Variants in NPLOC4 observed in about 807,000 individuals in gnomAD.
NPLOC4 encodes NPL4 homolog, ubiquitin recognition factor, also known as nuclear protein localization protein 4 homolog.
NPLOC4 carries 18 observed loss-of-function variants against 80.6 expected under a neutral mutation model. That is an observed-to-expected ratio of 0.22 (90% CI 0.15 to 0.33). The LOEUF (loss-of-function observed/expected upper bound fraction) is 0.33, where lower values mean the gene tolerates loss of function less well. Ranked by LOEUF, NPLOC4 falls within the 10% of genes least tolerant of loss-of-function variation. NPLOC4 has a pLI of 1.00. For synonymous variants in NPLOC4, 313 were observed against 301.5 expected, an observed-to-expected ratio of 1.04 and a Z score of -0.39; for missense variants, 540 against 786.1, an observed-to-expected ratio of 0.69 and a Z score of 3.74.
chr17:81,611,333 A>G (rs1472930572), intron 4 of NPLOC4, among the ~76,000 whole-genome samples: 1 of 151,792 alleles, frequency 6.6e-6, no homozygotes, highest in Non-Finnish European at 1.5e-5. Flanking sequence ...TAAATAAATA[A>G]ATAAAATAGT....
At chr17:81,591,527 A>C (rs900853540) in intron 11 of NPLOC4, among the ~76,000 whole-genome samples, 10 of 152,104 alleles carry the variant, frequency 6.6e-5, no homozygotes, top group African/African-American at 2.4e-4. Context: ...AAGAAAGAAA[A>C]ATCTAGCAGT....
intron 11 of NPLOC4, among the ~76,000 whole-genome samples, chr17:81,591,447 G>GGAAA (rs537533625): frequency 1.3e-5 from 1 of 76,326 alleles, no homozygotes; most frequent in Non-Finnish European, 2.4e-5. Context: ...GAGTAAAACA[G>GGAAA]AAAAAAAAAA....
At chr17:81,619,709 T>A (rs1001306742) in intron 3 of NPLOC4, among the ~76,000 whole-genome samples, 2 of 150,980 alleles carry the variant, frequency 1.3e-5, no homozygotes, top group Non-Finnish European at 2.9e-5. Context: ...TGAAACCCTG[T>A]CTCTACTAAA....
intron 2 of NPLOC4, among the ~76,000 whole-genome samples, chr17:81,623,068 C>T (rs924421818): frequency 6.6e-6 from 1 of 151,856 alleles, no homozygotes; most frequent in African/African-American, 2.4e-5. Context: ...GTGGCACATG[C>T]CTGTAATCCC....
chr17:81,587,620 CCTGT>C (rs2034616753), intron 12 of NPLOC4, among the ~76,000 whole-genome samples: 1 of 118,046 alleles, frequency 8.5e-6, no homozygotes, highest in African/African-American at 3.5e-5. Context: ...CAGCTGACAC[CCTGT>C]CTCTTTAAAA....
At chr17:81,560,297 C>T (rs1411176912) in intron 16 of NPLOC4, among the ~76,000 whole-genome samples, 5 of 152,014 alleles carry the variant, frequency 3.3e-5, no homozygotes, top group South Asian at 2.1e-4. Context: ...CCTGCCGTTC[C>T]GGCTACTCAG....
chr17:81,609,523 G>A (rs1013625735), intron 5 of NPLOC4, among the ~76,000 whole-genome samples: 1 of 152,148 alleles, frequency 6.6e-6, no homozygotes, highest in Admixed American at 6.5e-5. Flanking sequence ...GAGTTGCCCA[G>A]GCTGAACAAT....
intron 1 of NPLOC4, among the ~76,000 whole-genome samples, chr17:81,632,873 A>T (rs1250768685): frequency 1.3e-5 from 2 of 152,168 alleles, no homozygotes; most frequent in East Asian, 3.8e-4. Flanking sequence ...CATAACTTTC[A>T]CTTGGCAGAA....
intron 11 of NPLOC4, among the ~76,000 whole-genome samples, chr17:81,590,980 A>C (rs1041489320): frequency 6.6e-6 from 1 of 152,178 alleles, no homozygotes; most frequent in Non-Finnish European, 1.5e-5. Flanking sequence ...CCCTGCACAA[A>C]TGACCACTAA....
intron 2 of NPLOC4, among the ~76,000 whole-genome samples, chr17:81,626,590 G>A (rs1568166931): frequency 6.6e-6 from 1 of 152,092 alleles, no homozygotes; most frequent in Non-Finnish European, 1.5e-5. Flanking sequence ...TGGAATCCCA[G>A]CATCCAGGAG....
chr17:81,636,890 C>A, intron 1 of NPLOC4, 26 bp downstream of exon 1: 1 of 1,407,548 alleles, frequency 7.1e-7, no homozygotes, highest in Non-Finnish European at 9.3e-7. Context: ...CCGGCGTCCC[C>A]GCTCCCGCCC....
intron 7 of NPLOC4, among the ~76,000 whole-genome samples, chr17:81,604,940 C>T (rs571964816): frequency 6.6e-6 from 1 of 152,224 alleles, no homozygotes; most frequent in South Asian, 2.1e-4. Flanking sequence ...GCCTGGGTGA[C>T]AGAGTGAGAC....
In NPLOC4 at chr17:81,558,416, G is replaced by C. The variant is rs887866071; in HGVS notation, c.*843C>G. The C allele has an allele frequency of 6.6e-6, 1 of 152,216 alleles. No individual in the cohort carries two copies. Among genetic ancestry groups the C allele is most frequent in the Non-Finnish European group, 1.5e-5 (1 of 68,064 alleles). 9.4% of individuals were successfully genotyped at this position (152,216 alleles called of 1,614,324 possible). ...CGCAGTATCTGCAGTTGCTGCAGCT[G>C]TGTGGCTTGGTAGAAAAGTCTCAGG... On this transcript the variant is annotated 3_prime_UTR_variant, in exon 17 of 17. Coordinates refer to ENST00000331134, the MANE Select transcript of NPLOC4 (RefSeq NM_017921.4).
chr17:81,597,903 G>A (rs2034959936), intron 9 of NPLOC4, among the ~76,000 whole-genome samples: 1 of 151,378 alleles, frequency 6.6e-6, no homozygotes, highest in South Asian at 2.1e-4. Context: ...GACCATCCTG[G>A]CTAACATGGT....
chr17:81,610,491 C>A (rs567694671), intron 4 of NPLOC4, among the ~76,000 whole-genome samples: 1 of 152,120 alleles, frequency 6.6e-6, no homozygotes, highest in South Asian at 2.1e-4. Context: ...TGGCTCCCTG[C>A]AGCCTTCACC....
At chr17:81,621,716 G>T (rs1018225009) in intron 3 of NPLOC4, among the ~76,000 whole-genome samples, 10 of 152,180 alleles carry the variant, frequency 6.6e-5, no homozygotes, top group Non-Finnish European at 1.5e-4. Flanking sequence ...GCAGTAGCCA[G>T]GCTGTGACAA....
chr17:81,570,444 G>A (rs2034131275), intron 13 of NPLOC4, among the ~76,000 whole-genome samples: 1 of 152,238 alleles, frequency 6.6e-6, no homozygotes, highest in Non-Finnish European at 1.5e-5. Flanking sequence ...GGAAGGCCTA[G>A]AAATGAAGAA....
chr17:81,630,713 T>C (rs1474964572), intron 1 of NPLOC4, among the ~76,000 whole-genome samples: 1 of 151,894 alleles, frequency 6.6e-6, no homozygotes, highest in African/African-American at 2.4e-5. Flanking sequence ...ACCCCATCTC[T>C]ACTAAAAATA....
At chr17:81,596,339 G>T in intron 10 of NPLOC4, 97 bp from the exon 11 acceptor site, 1 of 1,361,134 alleles carries the variant, frequency 7.3e-7, no homozygotes, top group Non-Finnish European at 1.0e-6. Flanking sequence ...CAGGAGCAGT[G>T]ACTCACACCT....
Sources: allele counts gnomAD v4.1 joint callset (sites outside exome capture counted in the v4.1 genomes callset), GRCh38; gene constraint gnomAD v4.1.1; transcripts MANE v1.5; gene names NCBI Gene and HGNC (gene_info 2026-07-23, HGNC 2026-07-21).